Variants in PXDN observed in about 807,000 individuals in gnomAD.
PXDN encodes peroxidasin homolog.
PXDN carries 77 observed loss-of-function variants against 140.3 expected under a neutral mutation model. That is an observed-to-expected ratio of 0.55 (90% CI 0.46 to 0.66). PXDN has a LOEUF of 0.66. PXDN is among the 30% of genes least tolerant of loss of function. The probability of loss-of-function intolerance (pLI) is 0.00; values close to 1 mark genes in which losing one functional copy is unlikely to be tolerated. For synonymous variants in PXDN, 911 were observed against 857.4 expected, an observed-to-expected ratio of 1.06 and a Z score of -1.09; for missense variants, 1,838 against 2,039.5, an observed-to-expected ratio of 0.90 and a Z score of 1.90.
intron 1 of PXDN, among the ~76,000 whole-genome samples, chr2:1,743,361 T>C (rs998991252): frequency 1.1e-4 from 17 of 152,248 alleles, no homozygotes; most frequent in African/African-American, 3.8e-4. Context: ...CCCGGCTCCA[T>C]CTAGACCCGG....
intron 1 of PXDN, among the ~76,000 whole-genome samples, chr2:1,704,750 T>A (rs1415145430): frequency 6.6e-6 from 1 of 151,990 alleles, no homozygotes; most frequent in African/African-American, 2.4e-5. Context: ...TTTCTGATGA[T>A]CTTTTCCAAG....
chr2:1,711,522 C>G (rs1684780546), intron 1 of PXDN, among the ~76,000 whole-genome samples: 1 of 139,684 alleles, frequency 7.2e-6, no homozygotes, highest in African/African-American at 2.8e-5. Context: ...AGCACCCACT[C>G]CACCAGCATC....
In PXDN at chr2:1,684,126, T is replaced by C. The variant is rs1211670878; in HGVS notation, c.442A>G (p.Thr148Ala). 2 of 1,585,886 alleles carry C rather than the reference T, an allele frequency of 1.3e-6. No individual in the cohort carries two copies. Among genetic ancestry groups the C allele is most frequent in the South Asian group, 2.3e-5 (2 of 86,168 alleles). The part of the protein sequence containing the change: ...QLYLHFNQIE[T>A]LDPDSFQHLP... ...TGCTGGAACGAATCTGGGTCCAAAGTTTCTATCTGATTAAAGTGCAGGTAT... is the reference window on the plus strand; with the variant it reads ...TGCTGGAACGAATCTGGGTCCAAAGCTTCTATCTGATTAAAGTGCAGGTAT... The change falls in exon 5 of 23, where the codon ACT becomes GCT. Residue 148 changes from threonine (T) to alanine (A), a missense_variant. This residue lies in a region of PXDN where 231 missense variants were observed against 201.5 expected (regional missense o/e 1.15). Coordinates refer to ENST00000252804, the MANE Select transcript of PXDN (RefSeq NM_012293.3).
chr2:1,744,816 C>T (rs556769254), upstream of PXDN: 29 of 198,656 alleles, frequency 1.5e-4, no homozygotes, highest in South Asian at 3.2e-3. Flanking sequence ...GTGGTTTCTG[C>T]CTGCGCTCAC....
chr2:1,658,076 CTCT>C (rs1683204001), intron 14 of PXDN, among the ~76,000 whole-genome samples: 3 of 78,538 alleles, frequency 3.8e-5, no homozygotes, highest in South Asian at 3.4e-4. Flanking sequence ...CTCTCTCTCT[CTCT>C]CTCTCTCTCT....
At chr2:1,738,350 C>A (rs1417316125) in intron 1 of PXDN, among the ~76,000 whole-genome samples, 4 of 152,124 alleles carry the variant, frequency 2.6e-5, no homozygotes, top group Non-Finnish European at 5.9e-5. Flanking sequence ...GATCTCTGTA[C>A]TCCTGAGAGA....
intron 1 of PXDN, among the ~76,000 whole-genome samples, chr2:1,698,927 T>G (rs1218770683): frequency 6.6e-6 from 1 of 152,222 alleles, no homozygotes; most frequent in Non-Finnish European, 1.5e-5. Flanking sequence ...GCAAGTGAAC[T>G]TCAAGTCAAG....
rs1324829263 is a variant in PXDN at position 1,666,258 on chromosome 2, T to C, written c.1247A>G (p.Asn416Ser). The change falls in exon 10 of 23, where the codon AAC (asparagine) becomes AGC (serine). Residue 416 changes from asparagine (N) to serine (S), a missense_variant. Coordinates refer to ENST00000252804, the MANE Select transcript of PXDN (RefSeq NM_012293.3). ...GGTGGCATGGACGCTGTCAATGTTG[T>C]TGGTCGCAGAGCACGCATACTCTCC... ...DSGEYACSAT[N>S]NIDSVHATAF... is the part of the protein sequence containing the mutation. 6.2e-6 allele frequency: 10 copies of C among 1,614,010 alleles called. No individual in the cohort carries two copies. The highest frequency in any genetic ancestry group is 8.5e-6 in the Non-Finnish European group (10 of 1,179,880).
chr2:1,726,400 G>C (rs1054660196), intron 1 of PXDN, among the ~76,000 whole-genome samples: 1 of 147,440 alleles, frequency 6.8e-6, no homozygotes, highest in African/African-American at 2.6e-5. Flanking sequence ...GACACAGGAA[G>C]GGGAACATCA....
At chr2:1,716,208 A>G (rs1214545451) in intron 1 of PXDN, among the ~76,000 whole-genome samples, 2 of 152,072 alleles carry the variant, frequency 1.3e-5, no homozygotes, top group African/African-American at 4.8e-5. Flanking sequence ...CAGGCTGAGG[A>G]GGGTGGATCA....
At chr2:1,731,241 G>T (rs1294011165) in intron 1 of PXDN, among the ~76,000 whole-genome samples, 1 of 152,004 alleles carries the variant, frequency 6.6e-6, no homozygotes, top group Non-Finnish European at 1.5e-5. Context: ...TAAACTTTGG[G>T]ACAGCTATGG....
At chr2:1,692,604 T>G (rs904989675) in intron 2 of PXDN, 1 of 472,324 alleles carries the variant, frequency 2.1e-6, no homozygotes, top group African/African-American at 2.0e-5. Context: ...GCCTGAGGTC[T>G]GCACAGCAAC....
intron 1 of PXDN, among the ~76,000 whole-genome samples, chr2:1,733,376 A>G (rs1177547549): frequency 6.6e-6 from 1 of 152,158 alleles, no homozygotes; most frequent in Non-Finnish European, 1.5e-5. Flanking sequence ...CCAGAAACAC[A>G]CAGACGTTGT....
chr2:1,734,138 ATATTTCAGGT>A (rs1490236129), intron 1 of PXDN, among the ~76,000 whole-genome samples: 1 of 152,220 alleles, frequency 6.6e-6, no homozygotes, highest in Non-Finnish European at 1.5e-5. Flanking sequence ...TACCGCTCGG[ATATTTCAGGT>A]TTGGGCCCAG....
chr2:1,706,770 G>C (rs1297825018), intron 1 of PXDN, among the ~76,000 whole-genome samples: 1 of 125,398 alleles, frequency 8.0e-6, no homozygotes, highest in African/African-American at 3.6e-5. Flanking sequence ...AATACAATCC[G>C]AGAGCACACT....
intron 1 of PXDN, among the ~76,000 whole-genome samples, chr2:1,723,645 T>C (rs1343754040): frequency 1.3e-5 from 2 of 151,830 alleles, no homozygotes; most frequent in African/African-American, 4.8e-5. Context: ...GATGGACTAA[T>C]AAATGAATAG....
intron 3 of PXDN, among the ~76,000 whole-genome samples, chr2:1,689,619 T>C (rs1684141911): frequency 6.6e-6 from 1 of 152,002 alleles, no homozygotes; most frequent in African/African-American, 2.4e-5. Flanking sequence ...TCCGTCTCTA[T>C]TAAAAATACA....
At chr2:1,665,211 C>A (rs927191785) in intron 10 of PXDN, 137 bp from the exon 11 acceptor site, 23 of 680,246 alleles carry the variant, frequency 3.4e-5, no homozygotes, top group Admixed American at 2.6e-4. Context: ...CAGAAAGAGG[C>A]AGAGGGCACA....
At chr2:1,744,814 T>C, upstream of PXDN, 1 of 199,152 alleles carries the variant, frequency 5.0e-6, no homozygotes, top group Non-Finnish European at 1.0e-5. Flanking sequence ...CCGTGGTTTC[T>C]GCCTGCGCTC....
Sources: gnomAD v4.1 joint callset for allele counts (sites outside exome capture counted in the v4.1 genomes callset) on GRCh38, gnomAD v4.1.1 for gene constraint, gnomAD v4.1.1 regional missense constraint, MANE v1.5 for transcripts, NCBI Gene and HGNC (gene_info 2026-07-23, HGNC 2026-07-21) for gene names.